Variants in KCNH7 observed in about 807,000 individuals in gnomAD.
KCNH7 encodes potassium voltage-gated channel subfamily H member 7, also known as voltage-gated inwardly rectifying potassium channel KCNH7.
In KCNH7, 49 loss-of-function variants were observed where a neutral mutation model predicts 120.8. The ratio of observed to expected loss-of-function variants is 0.41; its 90% CI spans 0.32 to 0.51. KCNH7 has a LOEUF of 0.51. Ranked by LOEUF, KCNH7 falls within the 20% of genes least tolerant of loss-of-function variation. The probability of loss-of-function intolerance (pLI) is 0.38; values close to 1 mark genes in which losing one functional copy is unlikely to be tolerated. For missense variants in KCNH7, 1,097 were observed against 1,446.6 expected (o/e 0.76, Z 3.92); for synonymous variants, 547 against 516.1 (o/e 1.06, Z -0.81).
Position 162,504,952 on chromosome 2 carries a change from C to G in KCNH7, c.914-295G>C, listed in dbSNP as rs1270240059. 2.6e-5 allele frequency among the ~76,000 whole-genome samples: 4 copies of G among 151,966 alleles called. No individual in the cohort carries two copies. In the South Asian group the frequency reaches 6.2e-4, roughly 24 times the overall value. Reference sequence around the variant, plus strand: ...CTAGAATAAAAGAAAAAACTACACTCTCTGTTACTGGTCAAATTCTACCTT... The same window carrying G: ...CTAGAATAAAAGAAAAAACTACACTGTCTGTTACTGGTCAAATTCTACCTT... On this transcript the variant is annotated intron_variant, in intron 5 of 15. Transcript: ENST00000332142.
intron 2 of KCNH7, among the ~76,000 whole-genome samples, chr2:162,613,628 T>G (rs999477698): frequency 2.0e-5 from 3 of 151,438 alleles, no homozygotes; most frequent in Non-Finnish European, 3.0e-5. Flanking sequence ...TATTTCAAAC[T>G]TTTTTTTTCT....
At chr2:162,486,712 C>A (rs1690107923) in intron 6 of KCNH7, among the ~76,000 whole-genome samples, 1 of 152,100 alleles carries the variant, frequency 6.6e-6, no homozygotes, top group Non-Finnish European at 1.5e-5. Context: ...ATATAGCCCA[C>A]AGTTATCTAT....
At chr2:162,652,823 G>T (rs1684614061) in intron 2 of KCNH7, among the ~76,000 whole-genome samples, 1 of 152,188 alleles carries the variant, frequency 6.6e-6, no homozygotes, top group African/African-American at 2.4e-5. Context: ...ATAAAAAGCT[G>T]CTTTTCTTTA....
intron 9 of KCNH7, among the ~76,000 whole-genome samples, chr2:162,420,824 C>T (rs1687679672): frequency 6.6e-6 from 1 of 152,008 alleles, no homozygotes; most frequent in Non-Finnish European, 1.5e-5. Context: ...GTTTAATATG[C>T]TTTTATGTGT....
chr2:162,829,981 T>A (rs920282231), intron 2 of KCNH7, among the ~76,000 whole-genome samples: 91 of 152,004 alleles, frequency 6.0e-4, no homozygotes, highest in Non-Finnish European at 9.6e-4. Context: ...TAATAAGACT[T>A]GGTGTTTTCT....
intron 2 of KCNH7, among the ~76,000 whole-genome samples, chr2:162,588,230 G>C (rs1694085016): frequency 6.6e-6 from 1 of 151,784 alleles, no homozygotes; most frequent in Non-Finnish European, 1.5e-5. Context: ...GAAAAGTTAG[G>C]GAAAAGATTA....
intron 2 of KCNH7, among the ~76,000 whole-genome samples, chr2:162,799,507 G>T (rs1402822027): frequency 6.6e-6 from 1 of 151,692 alleles, no homozygotes; most frequent in East Asian, 1.9e-4. Context: ...TTAATATTTA[G>T]AATACTGTTT....
At chr2:162,540,647 G>A (rs1423444757) in intron 2 of KCNH7, among the ~76,000 whole-genome samples, 1 of 152,064 alleles carries the variant, frequency 6.6e-6, no homozygotes, top group African/African-American at 2.4e-5. Context: ...ACAGGGCAAG[G>A]TGGGGAGAGT....
At chr2:162,469,293 G>C (rs6758303) in intron 6 of KCNH7, among the ~76,000 whole-genome samples, 34,741 of 152,148 alleles carry the variant, frequency 0.23, 7,889 homozygotes, top group African/African-American at 0.58. Flanking sequence ...AGTACCATAG[G>C]TAACACTTCA....
At chr2:162,581,609 T>A (rs995096211) in intron 2 of KCNH7, among the ~76,000 whole-genome samples, 7 of 151,680 alleles carry the variant, frequency 4.6e-5, no homozygotes, top group Admixed American at 1.3e-4. Flanking sequence ...AGATTTTTTT[T>A]AAAAGTGTAT....
At chr2:162,662,353 C>T (rs1175367388) in intron 2 of KCNH7, among the ~76,000 whole-genome samples, 6 of 152,058 alleles carry the variant, frequency 3.9e-5, no homozygotes, top group Admixed American at 3.9e-4. Context: ...AAAATGCATT[C>T]ATTTAACACA....
chr2:162,416,053 A>G (rs2105475342), intron 9 of KCNH7, among the ~76,000 whole-genome samples: 1 of 152,238 alleles, frequency 6.6e-6, no homozygotes, highest in South Asian at 2.1e-4. Context: ...GCTTTATTAT[A>G]ATACTCTGAC....
At chr2:162,728,971 A>G (rs541312050) in intron 2 of KCNH7, among the ~76,000 whole-genome samples, 1 of 152,176 alleles carries the variant, frequency 6.6e-6, no homozygotes, top group Admixed American at 6.5e-5. Context: ...GTTAGTGTAC[A>G]TGATGTGAAG....
chr2:162,677,667 A>G (rs1286807531), intron 2 of KCNH7, among the ~76,000 whole-genome samples: 1 of 151,510 alleles, frequency 6.6e-6, no homozygotes, highest in Non-Finnish European at 1.5e-5. Flanking sequence ...TGGCAGACAT[A>G]TTATGCATTT....
intron 7 of KCNH7, among the ~76,000 whole-genome samples, 166 bp from the exon 8 acceptor site, chr2:162,435,763 C>A (rs1423751063): frequency 6.6e-6 from 1 of 151,688 alleles, no homozygotes; most frequent in Non-Finnish European, 1.5e-5. Flanking sequence ...TATGTGATAC[C>A]TGCTTTGGAA....
intron 2 of KCNH7, among the ~76,000 whole-genome samples, chr2:162,667,644 C>T (rs2105289812): frequency 6.6e-6 from 1 of 152,258 alleles, no homozygotes; most frequent in South Asian, 2.1e-4. Flanking sequence ...GTGTCTAGTG[C>T]TCATTATTCA....
At chr2:162,602,299 T>TA (rs1694586346) in intron 2 of KCNH7, among the ~76,000 whole-genome samples, 1 of 152,040 alleles carries the variant, frequency 6.6e-6, no homozygotes, top group African/African-American at 2.4e-5. Flanking sequence ...GGAAGGTTGT[T>TA]TAACAAGTTC....
At chr2:162,441,131 T>C (rs1393626671) in intron 7 of KCNH7, among the ~76,000 whole-genome samples, 2 of 152,114 alleles carry the variant, frequency 1.3e-5, no homozygotes, top group East Asian at 1.9e-4. Flanking sequence ...AATAGAAACT[T>C]CTGTCTAAAC....
chr2:162,374,302 G>A (rs1275331998), intron 14 of KCNH7, among the ~76,000 whole-genome samples: 1 of 152,116 alleles, frequency 6.6e-6, no homozygotes, highest in Admixed American at 6.6e-5. Flanking sequence ...GACCCATCTG[G>A]CCTGCAAAAT....
Sources: gnomAD v4.1 joint callset for allele counts (sites outside exome capture counted in the v4.1 genomes callset) on GRCh38, gnomAD v4.1.1 for gene constraint, MANE v1.5 for transcripts, NCBI Gene and HGNC (gene_info 2026-07-23, HGNC 2026-07-21) for gene names.